Variants in CRPPA observed in about 807,000 individuals in gnomAD.
CRPPA encodes the protein CDP-L-ribitol pyrophosphorylase A.
In CRPPA, 43 loss-of-function variants were observed where a neutral mutation model predicts 52.0. The ratio of observed to expected loss-of-function variants is 0.83; its 90% CI spans 0.65 to 1.07. The LOEUF (loss-of-function observed/expected upper bound fraction) is 1.07. Ranked by LOEUF, CRPPA falls within the 50% of genes least tolerant of loss-of-function variation. CRPPA has a pLI of 0.00. For synonymous variants in CRPPA, 250 were observed against 203.5 expected, an observed-to-expected ratio of 1.23 and a Z score of -1.94; for missense variants, 629 against 551.7, an observed-to-expected ratio of 1.14 and a Z score of -1.40.
rs563617635 is a variant in CRPPA at position 16,304,536 on chromosome 7, G to T, written c.790-3070C>A. On this transcript the variant is annotated intron_variant, in intron 4 of 9. Transcript: ENST00000407010. ...GGCACCTATAGTCCTAGCTATTTGG[G>T]AGGCTAAGGCAGGAGAATCACTTGA... is the stretch of plus-strand genomic sequence containing the variant. 2.4e-4 allele frequency among the ~76,000 whole-genome samples: 37 copies of T among 152,254 alleles called. No homozygotes were observed. The South Asian group carries it at 7.7e-3, about 32-fold the overall frequency.
intron 5 of CRPPA, among the ~76,000 whole-genome samples, chr7:16,294,165 G>T (rs1406591705): frequency 6.6e-6 from 1 of 151,860 alleles, no homozygotes; most frequent in African/African-American, 2.4e-5. Context: ...TCCAAGGTTG[G>T]TGACTCATGA....
chr7:16,371,969 G>C (rs9969236), intron 3 of CRPPA, among the ~76,000 whole-genome samples: 2,064 of 152,086 alleles, frequency 0.014, 52 homozygotes, highest in African/African-American at 0.047. Context: ...GAATTTCAGA[G>C]CTTGAAGACA....
chr7:16,144,935 T>C (rs1475233427), intron 9 of CRPPA, among the ~76,000 whole-genome samples: 2 of 152,178 alleles, frequency 1.3e-5, no homozygotes, highest in Non-Finnish European at 2.9e-5. Context: ...GTGATACCTA[T>C]AGGCATTCCA....
At chr7:16,332,326 A>C (rs559042948) in intron 3 of CRPPA, among the ~76,000 whole-genome samples, 94 of 152,318 alleles carry the variant, frequency 6.2e-4, no homozygotes, top group Non-Finnish European at 9.7e-4. Flanking sequence ...GAGGGAAATG[A>C]TACAGGTCAG....
rs997042583 is a variant in CRPPA at position 16,268,321 on chromosome 7, G to A, written c.934-9309C>T. ...CTATAATTTGTATGAATAGCTTACC[G>A]AAGAGTCCTTTCACATGTAATCCCA... is the stretch of plus-strand genomic sequence containing the variant. On this transcript the variant is annotated intron_variant, in intron 6 of 9. Coordinates refer to ENST00000407010, the MANE Select transcript of CRPPA (RefSeq NM_001101426.4). 3.9e-5 allele frequency among the ~76,000 whole-genome samples: 6 copies of A among 152,160 alleles called. No homozygotes were observed. In the East Asian group the frequency reaches 5.8e-4, roughly 15 times the overall value.
chr7:16,249,757 AC>A, intron 8 of CRPPA, among the ~76,000 whole-genome samples: 1 of 152,292 alleles, frequency 6.6e-6, no homozygotes, highest in South Asian at 2.1e-4. Context: ...GGTAGATAAA[AC>A]CACAAAGATG....
chr7:16,129,770 G>A (rs1475282228), intron 9 of CRPPA, among the ~76,000 whole-genome samples: 4 of 152,246 alleles, frequency 2.6e-5, no homozygotes, highest in African/African-American at 9.6e-5. Flanking sequence ...TTCTGCAAGT[G>A]TTTCAGGATG....
chr7:16,198,664 G>C (rs1269817225), intron 9 of CRPPA, among the ~76,000 whole-genome samples: 3 of 148,352 alleles, frequency 2.0e-5, no homozygotes, highest in African/African-American at 7.6e-5. Context: ...ACACCCACAG[G>C]TGTGTAGGGG....
intron 3 of CRPPA, among the ~76,000 whole-genome samples, chr7:16,310,929 A>T (rs1785022602): frequency 6.6e-6 from 1 of 152,182 alleles, no homozygotes; most frequent in Admixed American, 6.5e-5. Flanking sequence ...CTCCCAGGAG[A>T]GCTATCAAGT....
chr7:16,138,136 G>A (rs1782796645), intron 9 of CRPPA, among the ~76,000 whole-genome samples: 1 of 152,132 alleles, frequency 6.6e-6, no homozygotes, highest in South Asian at 2.1e-4. Context: ...ACATATATGT[G>A]ACTTATTTCT....
intron 9 of CRPPA, among the ~76,000 whole-genome samples, chr7:16,151,337 A>C (rs1783072795): frequency 6.6e-6 from 1 of 152,218 alleles, no homozygotes; most frequent in Non-Finnish European, 1.5e-5. Context: ...TATTTCTTAG[A>C]AAAAGTACTT....
chr7:16,125,486 C>G (rs1362156015), intron 9 of CRPPA, among the ~76,000 whole-genome samples: 1 of 151,826 alleles, frequency 6.6e-6, no homozygotes, highest in African/African-American at 2.4e-5. Flanking sequence ...TAGAAGCTGA[C>G]TAAAAATAAA....
chr7:16,329,311 G>T (rs867616969), intron 3 of CRPPA, among the ~76,000 whole-genome samples: 1 of 152,150 alleles, frequency 6.6e-6, no homozygotes, highest in Non-Finnish European at 1.5e-5. Flanking sequence ...CAAATGAAAG[G>T]CTGCCCCTTG....
intron 9 of CRPPA, among the ~76,000 whole-genome samples, chr7:16,153,655 T>C (rs1390189547): frequency 6.6e-6 from 1 of 152,140 alleles, no homozygotes; most frequent in African/African-American, 2.4e-5. Flanking sequence ...ATATATCACA[T>C]GAAGCAGGCA....
chr7:16,161,387 G>A (rs60772574), intron 9 of CRPPA, among the ~76,000 whole-genome samples: 3,354 of 152,220 alleles, frequency 0.022, 134 homozygotes, highest in African/African-American at 0.076. Flanking sequence ...AGTGTTTCTA[G>A]CATGAAGAGG....
chr7:16,202,130 G>A (rs1175570868), intron 9 of CRPPA, among the ~76,000 whole-genome samples: 1 of 151,950 alleles, frequency 6.6e-6, no homozygotes, highest in Non-Finnish European at 1.5e-5. Flanking sequence ...TTGAATATAT[G>A]GTAAATTATT....
intron 9 of CRPPA, among the ~76,000 whole-genome samples, chr7:16,144,801 C>G (rs78483818): frequency 3.9e-5 from 6 of 152,278 alleles, no homozygotes; most frequent in Middle Eastern, 3.4e-3. Flanking sequence ...GGCTGCTGGA[C>G]TCTCCCGTCA....
chr7:16,203,426 T>A (rs550737197), intron 9 of CRPPA, among the ~76,000 whole-genome samples: 30 of 152,240 alleles, frequency 2.0e-4, no homozygotes, highest in Admixed American at 9.2e-4. Flanking sequence ...TGAAGATATA[T>A]TTTACAACAG....
At chr7:16,397,290 A>C (rs534308814) in intron 2 of CRPPA, among the ~76,000 whole-genome samples, 34 of 152,328 alleles carry the variant, frequency 2.2e-4, no homozygotes, top group African/African-American at 7.7e-4. Flanking sequence ...CACAATTGTG[A>C]CAAGTCACTG....
Sources: gnomAD v4.1 joint callset for allele counts (sites outside exome capture counted in the v4.1 genomes callset) on GRCh38, gnomAD v4.1.1 for gene constraint, MANE v1.5 for transcripts, NCBI Gene and HGNC (gene_info 2026-07-23, HGNC 2026-07-21) for gene names.